AKAP12: variants seen among roughly 807,000 people sequenced by gnomAD.
AKAP12 encodes A-kinase anchor protein 12.
In AKAP12, 32 loss-of-function variants were observed where a neutral mutation model predicts 79.9. The ratio of observed to expected loss-of-function variants is 0.40; its 90% CI spans 0.30 to 0.54. The LOEUF (loss-of-function observed/expected upper bound fraction) is 0.54. Ranked by LOEUF, AKAP12 falls within the 20% of genes least tolerant of loss-of-function variation. AKAP12 has a pLI of 0.48. For missense variants in AKAP12, 2,074 were observed against 2,177.0 expected, an observed-to-expected ratio of 0.95 and a Z score of 0.94; for synonymous variants, 808 against 857.0, an observed-to-expected ratio of 0.94 and a Z score of 1.00.
chr6:151,248,003 G>A (rs1263973124), intron 2 of AKAP12, among the ~76,000 whole-genome samples: 1 of 152,130 alleles, frequency 6.6e-6, no homozygotes. Flanking sequence ...CCCAGTTGTA[G>A]TAGCATGTCA....
intron 3 of AKAP12, chr6:151,325,791 G>A (rs1777508910): frequency 6.2e-7 from 1 of 1,612,990 alleles, no homozygotes; most frequent in Non-Finnish European, 8.5e-7. Flanking sequence ...GCAGGCAGGA[G>A]ACTAGGCGTC....
chr6:151,350,216 C>T lies in AKAP12; in HGVS notation c.1825C>T (p.Pro609Ser), dbSNP rs1243688648. The T allele has an allele frequency of 4.3e-6, 7 of 1,613,912 alleles. No individual in the cohort carries two copies. The highest frequency in any genetic ancestry group is 3.3e-4 in the Middle Eastern group (2 of 6,058). ...DGEKKREGVT[P>S]WASFKKMVTP... ...AGAGAAAAAAAGAGAAGGTGTCACT[C>T]CCTGGGCATCATTCAAAAAGATGGT... is the stretch of plus-strand genomic sequence containing the variant. Residue 609 changes from proline (P) to serine (S), a missense_variant, in exon 4 of 5, where the codon CCC becomes TCC. By Grantham distance (74) the Pro-to-Ser change is moderately conservative. Transcript: ENST00000402676. The surrounding 1 kb of genome is among the most constrained non-coding windows in gnomAD (Gnocchi z 4.8).
intron 3 of AKAP12, chr6:151,319,548 A>ATC (rs1777325734): frequency 1.1e-5 from 1 of 89,478 alleles, no homozygotes; most frequent in Non-Finnish European, 2.3e-5. Flanking sequence ...ATAGATATAG[A>ATC]TATATATATC....
chr6:151,293,733 G>C (rs1321031430), intron 2 of AKAP12, among the ~76,000 whole-genome samples: 4 of 152,156 alleles, frequency 2.6e-5, no homozygotes, highest in Admixed American at 2.0e-4. Flanking sequence ...TAAGGAGAGA[G>C]TAAGTAACAT....
chr6:151,319,527 G>GATATATCTCTATATAGAT (rs1777320754), intron 3 of AKAP12: 1 of 101,272 alleles, frequency 9.9e-6, no homozygotes, highest in Admixed American at 8.6e-5. Context: ...TCTCTATATA[G>GATATATCTCTATATAGAT]ATATATATAT....
chr6:151,255,222 G>A (rs1797268377), intron 2 of AKAP12, among the ~76,000 whole-genome samples: 1 of 151,830 alleles, frequency 6.6e-6, no homozygotes, highest in South Asian at 2.1e-4. Flanking sequence ...CTGGAGTGCA[G>A]TGGCACGATC....
intron 3 of AKAP12, among the ~76,000 whole-genome samples, chr6:151,308,350 C>T (rs751912301): frequency 6.6e-6 from 1 of 151,914 alleles, no homozygotes; most frequent in Non-Finnish European, 1.5e-5. Context: ...GTAGCTGGGA[C>T]TACAGGTGCC....
chr6:151,313,422 T>C (rs1455870431), intron 3 of AKAP12, among the ~76,000 whole-genome samples: 2 of 152,236 alleles, frequency 1.3e-5, no homozygotes, highest in East Asian at 3.8e-4. Flanking sequence ...GCCTTGAACT[T>C]AGGTAAAAGT....
intron 3 of AKAP12, among the ~76,000 whole-genome samples, chr6:151,346,853 T>G (rs1226561242): frequency 6.6e-6 from 1 of 152,264 alleles, no homozygotes; most frequent in Non-Finnish European, 1.5e-5. Flanking sequence ...ATAATGACTT[T>G]GAGGATCAAA....
chr6:151,253,470 G>A (rs1244012790), intron 2 of AKAP12, among the ~76,000 whole-genome samples: 1 of 151,872 alleles, frequency 6.6e-6, no homozygotes, highest in Non-Finnish European at 1.5e-5. Flanking sequence ...TGAAAGGATA[G>A]TCCCACCTGG....
Position 151,248,003 on chromosome 6 carries a change from G to C in AKAP12, c.162+7279G>C, listed in dbSNP as rs1263973124. Among the ~76,000 whole-genome samples, 3 of 152,248 alleles carry C rather than the reference G, an allele frequency of 2.0e-5. No individual in the cohort carries two copies. The South Asian group carries it at 6.2e-4, about 32-fold the overall frequency. ...CTGCCTAATCTTAATCCCAGTTGTA[G>C]TAGCATGTCAGTTTCATGTTTGATT... On this transcript the variant is annotated intron_variant, in intron 2 of 4. Transcript: ENST00000402676.
chr6:151,310,846 T>C (rs1378958197), intron 3 of AKAP12, among the ~76,000 whole-genome samples: 1 of 152,228 alleles, frequency 6.6e-6, no homozygotes, highest in Non-Finnish European at 1.5e-5. Context: ...TTTTGAGATT[T>C]GCGTCTCTGC....
chr6:151,251,007 G>A (rs1331337643), intron 2 of AKAP12, among the ~76,000 whole-genome samples: 1 of 152,200 alleles, frequency 6.6e-6, no homozygotes, highest in Non-Finnish European at 1.5e-5. Context: ...ATTGAGATGA[G>A]GTAAGGCCTT....
chr6:151,255,060 G>T (rs1462558714), intron 2 of AKAP12, among the ~76,000 whole-genome samples: 2 of 152,178 alleles, frequency 1.3e-5, no homozygotes, highest in African/African-American at 4.8e-5. Flanking sequence ...AGGAGGGCTG[G>T]ACTGAAAGTC....
At chr6:151,270,249 A>G (rs955510574) in intron 2 of AKAP12, among the ~76,000 whole-genome samples, 6 of 151,980 alleles carry the variant, frequency 3.9e-5, no homozygotes, top group Non-Finnish European at 7.4e-5. Context: ...GTAGAGATGG[A>G]ATTTCTCCAT....
chr6:151,312,788 G>C (rs867410704), intron 3 of AKAP12, among the ~76,000 whole-genome samples: 2 of 65,716 alleles, frequency 3.0e-5, no homozygotes, highest in African/African-American at 8.7e-5. Context: ...GGGAGACTCT[G>C]TCTCCAAAAA....
At chr6:151,256,887 G>A (rs1797309629) in intron 2 of AKAP12, among the ~76,000 whole-genome samples, 1 of 150,926 alleles carries the variant, frequency 6.6e-6, no homozygotes, top group East Asian at 1.9e-4. Flanking sequence ...GACTTCAGGT[G>A]ATCTGCCTGC....
intron 3 of AKAP12, among the ~76,000 whole-genome samples, chr6:151,316,246 C>T (rs776911217): frequency 3.3e-5 from 5 of 152,160 alleles, no homozygotes; most frequent in Non-Finnish European, 5.9e-5. Flanking sequence ...TTCCTCCGAC[C>T]TCTAGTGTTA....
chr6:151,349,059 G>C lies in AKAP12; in HGVS notation c.668G>C (p.Gly223Ala). The C allele has an allele frequency of 6.2e-7, 1 of 1,612,586 alleles. No homozygotes were observed. The highest frequency in any genetic ancestry group is 8.5e-7 in the Non-Finnish European group (1 of 1,179,646). The change falls in exon 4 of 5, where the codon GGA becomes GCA. Residue 223 changes from glycine (G) to alanine (A), a missense_variant. Transcript: ENST00000402676. The stretch of plus-strand genomic sequence containing the variant: ...CACAAGGACCCCAGCCTTGGGGCTG[G>C]AGAAGCAGCATCCAAAGAAAGCGAA... ...GDHKDPSLGA[G>A]EAASKESEPK...
Sources: gnomAD v4.1 joint callset for allele counts (sites outside exome capture counted in the v4.1 genomes callset) on GRCh38, gnomAD v4.1.1 for gene constraint, Gnocchi (gnomAD v3.1) non-coding constraint, MANE v1.5 for transcripts, NCBI Gene and HGNC (gene_info 2026-07-23, HGNC 2026-07-21) for gene names.